Variants in RIMS2 observed in about 807,000 individuals in gnomAD.
The protein encoded by RIMS2 is regulating synaptic membrane exocytosis 2.
RIMS2 carries 59 observed loss-of-function variants against 174.4 expected under a neutral mutation model. The ratio of observed to expected loss-of-function variants is 0.34; its 90% confidence interval spans 0.27 to 0.42. The LOEUF (loss-of-function observed/expected upper bound fraction) is 0.42, where lower values mean the gene tolerates loss of function less well. Ranked by LOEUF, RIMS2 falls within the 10% of genes least tolerant of loss-of-function variation. The pLI is 1.00. For synonymous variants in RIMS2, 606 were observed against 572.5 expected, an observed-to-expected ratio of 1.06 and a Z score of -0.84; for missense variants, 1,620 against 1,666.3, an observed-to-expected ratio of 0.97 and a Z score of 0.48.
At chr8:103,536,960 C>T (rs1337260037) in intron 1 of RIMS2, among the ~76,000 whole-genome samples, 1 of 152,180 alleles carries the variant, frequency 6.6e-6, no homozygotes, top group Non-Finnish European at 1.5e-5. Flanking sequence ...AAAACAAAAA[C>T]CAAACTCACA....
chr8:103,543,901 A>G (rs35177572), intron 1 of RIMS2, among the ~76,000 whole-genome samples: 27,680 of 152,244 alleles, frequency 0.18, 2,762 homozygotes, highest in African/African-American at 0.26. Flanking sequence ...ACAACATAGC[A>G]GAAAAGCTGC....
rs188940527 is a variant in RIMS2, at chr8:104,163,498, C to T, written c.3335-81418C>T. On this transcript the variant is annotated intron_variant, in intron 19 of 23. Transcript: ENST00000504942. ...ATATACGAGTTTATTGCAGAGGATA[C>T]TAACCTACTATGGCTCATCTTTCTG... Among the ~76,000 whole-genome samples, 705 of 152,306 alleles carry T rather than the reference C, an allele frequency of 4.6e-3. 2 individuals carry two copies. Among genetic ancestry groups the T allele is most frequent in the Non-Finnish European group, 7.2e-3 (489 of 68,012 alleles).
At chr8:103,885,652 A>G (rs758937074) in exon 4 of RIMS2, 2 of 1,613,060 alleles carry the variant, frequency 1.2e-6, no homozygotes, top group Non-Finnish European at 1.7e-6. Flanking sequence ...CCTATGAAGA[A>G]CAAATGCGGA....
intron 11 of RIMS2, among the ~76,000 whole-genome samples, chr8:103,929,511 AT>A (rs958885563): frequency 1.3e-4 from 20 of 151,334 alleles, no homozygotes; most frequent in Non-Finnish European, 1.9e-4. Context: ...AAATTGCAGA[AT>A]TTTTTTTTCC....
intron 17 of RIMS2, among the ~76,000 whole-genome samples, chr8:103,990,200 G>A (rs1160600056): frequency 6.6e-6 from 1 of 152,020 alleles, no homozygotes; most frequent in Non-Finnish European, 1.5e-5. Flanking sequence ...ACCGATTTTA[G>A]GAAGAACATT....
chr8:103,791,156 T>C (rs1262612703), intron 3 of RIMS2, among the ~76,000 whole-genome samples: 1 of 152,140 alleles, frequency 6.6e-6, no homozygotes, highest in Non-Finnish European at 1.5e-5. Flanking sequence ...GAAAAAATGT[T>C]AAGGGCAGCC....
At chr8:103,735,602 C>A (rs1306394408) in intron 2 of RIMS2, among the ~76,000 whole-genome samples, 1 of 152,094 alleles carries the variant, frequency 6.6e-6, no homozygotes, top group East Asian at 1.9e-4. Flanking sequence ...GACCTCAAAT[C>A]ATGGGAATCT....
intron 3 of RIMS2, among the ~76,000 whole-genome samples, chr8:103,813,129 A>T (rs1281710498): frequency 6.6e-6 from 1 of 152,074 alleles, no homozygotes; most frequent in Non-Finnish European, 1.5e-5. Flanking sequence ...GTTTATTTTC[A>T]TGTATGGAAT....
chr8:104,103,321 A>C (rs960379858), intron 19 of RIMS2, among the ~76,000 whole-genome samples: 1 of 152,168 alleles, frequency 6.6e-6, no homozygotes, highest in Admixed American at 6.5e-5. Flanking sequence ...ATAGTCACAC[A>C]ACTTTGTGAA....
In RIMS2 at chr8:103,910,310, C is replaced by A; in HGVS notation, c.1692+109C>A. The A allele has an allele frequency of 6.5e-7, 1 of 1,549,092 alleles. No individual in the cohort carries two copies. The highest frequency in any genetic ancestry group is 8.8e-7 in the Non-Finnish European group (1 of 1,136,854). On this transcript the variant is annotated intron_variant, in intron 5 of 23. Transcript: ENST00000504942. ...TTGTATCTTTTTTTTTTTTTTATCC[C>A]ATACCTGTAGGGGACAGTCAAAAGG...
At position 103,835,368 on chromosome 8, in the gene RIMS2, C is replaced by T. The variant is rs139853761; in HGVS notation, c.699-49930C>T. ...TGCCTGACTCAGCCTCCCAAAGTGC[C>T]GGGATTACAGGCATGAGCCACCGTG... On this transcript the variant is annotated intron_variant, in intron 3 of 23. Coordinates refer to ENST00000504942, the Ensembl canonical transcript of RIMS2. Among the ~76,000 whole-genome samples the T allele has an allele frequency of 8.3e-3, 1,255 of 150,488 alleles. 21 individuals are homozygous for T. The highest frequency in any genetic ancestry group is 0.029 in the African/African-American group (1,202 of 40,978).
chr8:104,012,906 A>G (rs1357877181), intron 17 of RIMS2, among the ~76,000 whole-genome samples: 1 of 152,136 alleles, frequency 6.6e-6, no homozygotes, highest in Non-Finnish European at 1.5e-5. Flanking sequence ...TTTCTTGTGG[A>G]TCAGGTTTAA....
intron 7 of RIMS2, 81 bp downstream of exon 10, chr8:103,915,675 A>T: frequency 1.6e-6 from 1 of 606,822 alleles, no homozygotes; most frequent in South Asian, 3.6e-5. Flanking sequence ...TTTAGAAGTG[A>T]TTTGACAATA....
chr8:103,987,101 A>T (rs777970134), intron 16 of RIMS2, among the ~76,000 whole-genome samples: 5 of 152,124 alleles, frequency 3.3e-5, no homozygotes, highest in Non-Finnish European at 7.4e-5. Context: ...CTTTTTCTGG[A>T]ACTAACATAA....
At chr8:103,804,616 AG>A (rs936320701) in intron 3 of RIMS2, among the ~76,000 whole-genome samples, 4 of 152,126 alleles carry the variant, frequency 2.6e-5, no homozygotes, top group African/African-American at 9.7e-5. Flanking sequence ...TCTTATTTCT[AG>A]GAGGAATAGA....
intron 1 of RIMS2, among the ~76,000 whole-genome samples, chr8:103,547,678 A>G (rs1417639468): frequency 6.6e-6 from 1 of 152,228 alleles, no homozygotes; most frequent in Non-Finnish European, 1.5e-5. Context: ...AGTGAAGGAA[A>G]TTGAGATACA....
At chr8:104,039,371 C>G (rs2096571027) in intron 19 of RIMS2, among the ~76,000 whole-genome samples, 1 of 151,694 alleles carries the variant, frequency 6.6e-6, no homozygotes, top group Non-Finnish European at 1.5e-5. Context: ...GTCACTGGAA[C>G]TATGTGTGCC....
At chr8:103,650,549 C>A (rs563606693) in intron 1 of RIMS2, among the ~76,000 whole-genome samples, 1 of 152,288 alleles carries the variant, frequency 6.6e-6, no homozygotes, top group African/African-American at 2.4e-5. Flanking sequence ...GATAGAGAAC[C>A]CCTGGGAGCT....
At chr8:103,644,862 A>G (rs1198565437) in intron 1 of RIMS2, among the ~76,000 whole-genome samples, 1 of 151,930 alleles carries the variant, frequency 6.6e-6, no homozygotes, top group African/African-American at 2.4e-5. Context: ...TGATTTTTAG[A>G]TTAATATCAA....
Sources: gnomAD v4.1 joint callset for allele counts (sites outside exome capture counted in the v4.1 genomes callset) on GRCh38, gnomAD v4.1.1 for gene constraint, MANE v1.5 for transcripts, NCBI Gene and HGNC (gene_info 2026-07-23, HGNC 2026-07-21) for gene names.